FOXI1: variants seen among roughly 807,000 people sequenced by gnomAD.
FOXI1 encodes forkhead box protein I1.
In FOXI1, 11 loss-of-function variants were observed where a neutral mutation model predicts 16.4. The ratio of observed to expected loss-of-function variants is 0.67; its 90% CI spans 0.42 to 1.11. The LOEUF (loss-of-function observed/expected upper bound fraction) is 1.11, where lower values mean the gene tolerates loss of function less well. FOXI1 is among the 50% of genes least tolerant of loss of function. The probability of loss-of-function intolerance (pLI) is 0.00; values close to 1 mark genes in which losing one functional copy is unlikely to be tolerated. For missense variants in FOXI1, 480 were observed against 506.1 expected, an observed-to-expected ratio of 0.95 and a Z score of 0.49; for synonymous variants, 218 against 211.5, an observed-to-expected ratio of 1.03 and a Z score of -0.27.
Position 170,109,005 on chromosome 5 carries a change from C to T in FOXI1, c.*394C>T, listed in dbSNP as rs2113897729. 1 of 182,948 alleles carries T rather than the reference C, an allele frequency of 5.5e-6. No individual in the cohort carries two copies. The highest frequency in any genetic ancestry group is 1.6e-4 in the East Asian group (1 of 6,400). The allele number at this position is 182,948 out of a possible 1,614,324, so 11.3% of individuals were successfully genotyped here. The stretch of plus-strand genomic sequence containing the variant: ...TTATATAAACTAGTAAATGGCAGAG[C>T]TAAGAGTCAAATCCAGGTCTATGTG... On this transcript the variant is annotated 3_prime_UTR_variant, in exon 2 of 2. Transcript: ENST00000306268.
chr5:170,106,647 T>C (rs1465334668), intron 1 of FOXI1, 116 bp downstream of exon 1: 2 of 1,449,058 alleles, frequency 1.4e-6, no homozygotes, highest in Non-Finnish European at 1.9e-6. Flanking sequence ...TGGGGGATGC[T>C]ACCAGGCAGG....
Position 170,108,812 on chromosome 5 carries a change from G to A in FOXI1, c.*201G>A. The A allele has an allele frequency of 1.6e-6, 1 of 608,694 alleles. No homozygotes were observed. The highest frequency in any genetic ancestry group is 2.9e-6 in the Non-Finnish European group (1 of 342,096). The allele number at this position is 608,694 out of a possible 1,614,324, so 37.7% of individuals were successfully genotyped here. On this transcript the variant is annotated 3_prime_UTR_variant, in exon 2 of 2. Transcript: ENST00000306268. ...GCCCACACACAGACTCACCAACTTT[G>A]CAATAGAAATACTGGTGCCTGCAGA...
rs1196897450 is a variant in FOXI1, at chr5:170,108,831, C to G, written c.*220C>G. ...AACTTTGCAATAGAAATACTGGTGCCTGCAGAGCAGCACTAACAGTGGCAG... is the reference window on the plus strand; with the variant it reads ...AACTTTGCAATAGAAATACTGGTGCGTGCAGAGCAGCACTAACAGTGGCAG... On this transcript the variant is annotated 3_prime_UTR_variant, in exon 2 of 2. Transcript: ENST00000306268. The G allele has an allele frequency of 6.7e-6, 4 of 595,876 alleles. No individual in the cohort carries two copies. The East Asian group carries it at 8.5e-5, about 13-fold the overall frequency. The allele number at this position is 595,876 out of a possible 1,614,324, so 36.9% of individuals were successfully genotyped here.
intron 1 of FOXI1, among the ~76,000 whole-genome samples, chr5:170,107,312 A>G (rs1758520643): frequency 6.6e-6 from 1 of 152,198 alleles, no homozygotes; most frequent in Admixed American, 6.5e-5. Context: ...ATTAAAGTCC[A>G]CTTTTGTTCC....
Position 170,106,307 on chromosome 5 carries a change from A to G in FOXI1, c.350A>G (p.Glu117Gly), listed in dbSNP as rs1581592593. The G allele has an allele frequency of 6.3e-7, 1 of 1,591,408 alleles. No individual in the cohort carries two copies. The highest frequency in any genetic ancestry group is 8.6e-7 in the Non-Finnish European group (1 of 1,169,094). ...TGGCTGCCCATCCCCTCGCAGGAGG[A>G]GCTGATGAAGCTGGTGCGGCCACCC... ...LGWLPIPSQE[E>G]LMKLVRPPYS... is the part of the protein sequence containing the mutation. Residue 117 changes from glutamate to glycine, a missense_variant, in exon 1 of 2, where the codon GAG becomes GGG. Physicochemically the swap from Glu to Gly is moderately conservative, Grantham distance 98. Around this residue, in one of 3 missense-constraint regions of FOXI1, gnomAD observed 219 missense variants for 222.9 expected, o/e 0.98. Transcript: ENST00000306268.
Position 170,108,295 on chromosome 5 carries a change from G to A in FOXI1, c.821G>A (p.Gly274Asp). ...AAGCGGCCCTCCCCTCCCCCATCAG[G>A]CGCCCCTTGCCTTAACAGCTTCCTT... is the stretch of plus-strand genomic sequence containing the variant. The part of the protein sequence containing the change: ...PEKRPSPPPS[G>D]APCLNSFLSS... The change falls in exon 2 of 2, where the codon GGC (glycine) becomes GAC (aspartate). Residue 274 changes from glycine to aspartate, a missense_variant. Physicochemically the swap from Gly to Asp is moderately conservative, Grantham distance 94 (BLOSUM62 -1). This residue lies in a region of FOXI1 where 257 missense variants were observed against 262.2 expected (regional missense o/e 0.98). Coordinates refer to ENST00000306268, the MANE Select transcript of FOXI1 (RefSeq NM_012188.5). 1 of 1,614,102 alleles carries A rather than the reference G, an allele frequency of 6.2e-7. No homozygotes were observed. Among genetic ancestry groups the A allele is most frequent in the South Asian group, 1.1e-5 (1 of 91,066 alleles).
At position 170,108,143 on chromosome 5, in the gene FOXI1, C is replaced by T. The variant is rs763327604; in HGVS notation, c.669C>T (p.Ser223=). 1.2e-6 allele frequency: 2 copies of T among 1,614,146 alleles called. No homozygotes were observed. The highest frequency in any genetic ancestry group is 1.7e-5 in the Admixed American group (1 of 60,024). ...AAAGGAAGAGAAAATCAGATGTTTC[C>T]TCTAGCACAGCCTCCTTGGCCTTAG... ...RRKRKRKSDV[S]SSTASLALEK... Residue 223 remains serine (S), a synonymous_variant, in exon 2 of 2, where the codon TCC becomes TCT. Coordinates refer to ENST00000306268, the MANE Select transcript of FOXI1 (RefSeq NM_012188.5).
chr5:170,106,530 G>A lies in FOXI1; in HGVS notation c.573G>A (p.Pro191=), dbSNP rs200309754. Residue 191 remains proline (P), a splice_region_variant and synonymous_variant, in exon 1 of 2, where the codon CCG becomes CCA. Transcript: ENST00000306268. The part of the protein sequence containing the change: ...FKKVPRDEDD[P]GKGNYWTLDP... ...AGGTGCCCCGCGACGAGGACGACCC[G>A]GGTAAGGAGGCTTTGAGTGTGGGGG... is the stretch of plus-strand genomic sequence containing the variant. 86 of 1,614,102 alleles carry A rather than the reference G, an allele frequency of 5.3e-5. No homozygotes were observed. Among genetic ancestry groups the A allele is most frequent in the Non-Finnish European group, 6.8e-5 (80 of 1,180,034 alleles).
Position 170,108,787 on chromosome 5 carries a change from GCCCACACACA to G in FOXI1, c.*177_*186del. ...TAAGGCTTCTGTTTATCACACATAGGCCCACACACAGACTCACCAACTTTGCAATAGAAAT... is the reference window on the plus strand; with the variant it reads ...TAAGGCTTCTGTTTATCACACATAGGGACTCACCAACTTTGCAATAGAAAT... On this transcript the variant is annotated 3_prime_UTR_variant, in exon 2 of 2. Transcript: ENST00000306268. 3.2e-6 allele frequency: 2 copies of G among 630,520 alleles called. No homozygotes were observed. The highest frequency in any genetic ancestry group is 3.8e-5 in the South Asian group (2 of 52,926). 39.1% of individuals were successfully genotyped at this position (630,520 alleles called of 1,614,324 possible).
chr5:170,106,089 T>C lies in FOXI1; in HGVS notation c.132T>C (p.Pro44=). 6.2e-7 allele frequency: 1 copy of C among 1,610,894 alleles called. No homozygotes were observed. The highest frequency in any genetic ancestry group is 8.5e-7 in the Non-Finnish European group (1 of 1,179,124). The part of the protein sequence containing the change: ...NFFHPQGVPS[P]QRPSFEGGGE... ...TCCACCCACAGGGCGTGCCCAGCCC[T>C]CAGCGGCCCTCCTTCGAGGGGGGCG... Residue 44 remains proline (P), a synonymous_variant, in exon 1 of 2, where the codon CCT becomes CCC. Transcript: ENST00000306268.
In FOXI1 at chr5:170,108,913, T is replaced by C. The variant is rs1758585357; in HGVS notation, c.*302T>C. ...TACTATTGACAGTCACCCCGTAAGG[T>C]TCACAAACCACCCCATTGAACAGAT... On this transcript the variant is annotated 3_prime_UTR_variant, in exon 2 of 2. Transcript: ENST00000306268. 2.6e-6 allele frequency: 1 copy of C among 390,838 alleles called. No homozygotes were observed. Among genetic ancestry groups the C allele is most frequent in the African/African-American group, 2.0e-5 (1 of 49,202 alleles). 24.2% of individuals were successfully genotyped at this position (390,838 alleles called of 1,614,324 possible). A position where few individuals can be genotyped will look rare whatever the true frequency, so the allele number is the denominator to read the frequency against.
chr5:170,108,373 T>G lies in FOXI1; in HGVS notation c.899T>G (p.Val300Gly). Residue 300 changes from valine to glycine, a missense_variant, in exon 2 of 2, where the codon GTC becomes GGC. Coordinates refer to ENST00000306268, the MANE Select transcript of FOXI1 (RefSeq NM_012188.5). ...GGGAGCCCCACGAGCCACCCCTTGG[T>G]CACACCAGGACTGAGCCCTGAGCCC... ...SGGSPTSHPL[V>G]TPGLSPEPSD... The G allele has an allele frequency of 6.2e-7, 1 of 1,614,076 alleles. No homozygotes were observed. Among genetic ancestry groups the G allele is most frequent in the South Asian group, 1.1e-5 (1 of 91,078 alleles).
Position 170,106,149 on chromosome 5 carries a change from G to T in FOXI1, c.192G>T (p.Trp64Cys), listed in dbSNP as rs1222426656. Residue 64 changes from tryptophan (W) to cysteine (C), a missense_variant, in exon 1 of 2, where the codon TGG (tryptophan) becomes TGT (cysteine). Trp to Cys is a radical substitution (Grantham distance 215, BLOSUM62 -2). Around this residue, in one of 3 missense-constraint regions of FOXI1, gnomAD observed 219 missense variants for 222.9 expected, o/e 0.98. Transcript: ENST00000306268. Reference sequence around the variant, plus strand: ...GGGCCACCCCCAACCCCTACCTCTGGTTCAACGGGCCCACCATGACCCCGC... The same window carrying T: ...GGGCCACCCCCAACCCCTACCTCTGTTTCAACGGGCCCACCATGACCCCGC... ...EYGATPNPYL[W>C]FNGPTMTPPP... 1.2e-6 allele frequency: 2 copies of T among 1,608,348 alleles called. No homozygotes were observed.
chr5:170,109,051 G>A lies in FOXI1; in HGVS notation c.*440G>A, dbSNP rs6555887. 0.89 allele frequency: 144,717 copies of A among 161,822 alleles called. 64,801 individuals carry two copies. The highest frequency in any genetic ancestry group is 0.99 in the East Asian group (5,366 of 5,438). 10.0% of individuals were successfully genotyped at this position (161,822 alleles called of 1,614,324 possible). A position where few individuals can be genotyped will look rare whatever the true frequency, so the allele number is the denominator to read the frequency against. On this transcript the variant is annotated 3_prime_UTR_variant, in exon 2 of 2. Transcript: ENST00000306268. ...ATGTGATCCTCAGAGATTGGAGGCC[G>A]GGATGGAGAATTGGTTGAGTAGCCA...
In FOXI1 at chr5:170,108,040, T is replaced by C; in HGVS notation, c.575-9T>C. 1 of 1,609,576 alleles carries C rather than the reference T, an allele frequency of 6.2e-7. No individual in the cohort carries two copies. On this transcript the variant is annotated splice_polypyrimidine_tract_variant and intron_variant, in intron 1 of 1. Coordinates refer to ENST00000306268, the MANE Select transcript of FOXI1 (RefSeq NM_012188.5). ...CCTCTCTATTTACCCCCTTTCACTT[T>C]TGTATCAGGCAAAGGGAATTACTGG...
In FOXI1 at chr5:170,106,278, G is replaced by T; in HGVS notation, c.321G>T (p.Leu107=). Residue 107 remains leucine, a synonymous_variant, in exon 1 of 2, where the codon CTG becomes CTT. Transcript: ENST00000306268. ...PSVSGLGGSD[L]GWLPIPSQEE... Reference sequence around the variant, plus strand: ...TGTCGGGGCTTGGGGGGAGCGACCTGGGCTGGCTGCCCATCCCCTCGCAGG... The same window carrying T: ...TGTCGGGGCTTGGGGGGAGCGACCTTGGCTGGCTGCCCATCCCCTCGCAGG... 6.3e-7 allele frequency: 1 copy of T among 1,582,654 alleles called. No homozygotes were observed. The highest frequency in any genetic ancestry group is 1.3e-5 in the African/African-American group (1 of 74,126).
At chr5:170,107,990 G>C in intron 1 of FOXI1, 59 bp from the exon 2 acceptor site, 3 of 1,347,548 alleles carry the variant, frequency 2.2e-6, no homozygotes, top group Non-Finnish European at 3.2e-6. Flanking sequence ...CAATAAGGAG[G>C]AACAGAAGCA....
In FOXI1 at chr5:170,106,036, G is replaced by A. The variant is rs781004930; in HGVS notation, c.79G>A (p.Glu27Lys). 2 of 1,612,472 alleles carry A rather than the reference G, an allele frequency of 1.2e-6. No homozygotes were observed. The highest frequency in any genetic ancestry group is 1.3e-5 in the African/African-American group (1 of 74,968). The change falls in exon 1 of 2, where the codon GAG (glutamate) becomes AAG (lysine). Residue 27 changes from glutamate (E) to lysine (K), a missense_variant. Glu to Lys is a moderately conservative substitution (Grantham distance 56). Transcript: ENST00000306268. Reference sequence around the variant, plus strand: ...CCCCAGCATCGGCCAGGAGCCCCCCGAGATGAACCTCTACTATGAGAACTT... The same window carrying A: ...CCCCAGCATCGGCCAGGAGCCCCCCAAGATGAACCTCTACTATGAGAACTT... ...QFPSIGQEPP[E>K]MNLYYENFFH...
At position 170,108,338 on chromosome 5, in the gene FOXI1, T is replaced by C; in HGVS notation, c.864T>C (p.Tyr288=). 1 of 1,614,146 alleles carries C rather than the reference T, an allele frequency of 6.2e-7. No homozygotes were observed. Among genetic ancestry groups the C allele is most frequent in the Non-Finnish European group, 8.5e-7 (1 of 1,180,030 alleles). ...LNSFLSSMTA[Y]VSGGSPTSHP... ...GCTTCCTTTCCTCTATGACAGCCTA[T>C]GTGAGCGGGGGGAGCCCCACGAGCC... Residue 288 remains tyrosine, a synonymous_variant, in exon 2 of 2, where the codon TAT becomes TAC. Coordinates refer to ENST00000306268, the MANE Select transcript of FOXI1 (RefSeq NM_012188.5).
Sources: allele counts gnomAD v4.1 joint callset (sites outside exome capture counted in the v4.1 genomes callset), GRCh38; gene constraint gnomAD v4.1.1; regional missense constraint gnomAD v4.1.1; transcripts MANE v1.5; gene names NCBI Gene and HGNC (gene_info 2026-07-23, HGNC 2026-07-21).